Variants in TMEM120B observed in about 807,000 individuals in gnomAD.
TMEM120B encodes the protein transmembrane protein 120B.
A neutral mutation model predicts 55.5 loss-of-function variants in TMEM120B; 31 were observed. That is an observed-to-expected ratio of 0.56 (90% CI 0.42 to 0.75). The LOEUF is 0.75. Among genes scored for constraint, TMEM120B ranks in the 30% least tolerant of loss-of-function variants. The pLI is 0.00. For synonymous variants in TMEM120B, 203 were observed against 176.3 expected, an observed-to-expected ratio of 1.15 and a Z score of -1.20; for missense variants, 399 against 425.5, an observed-to-expected ratio of 0.94 and a Z score of 0.55.
At chr12:121,714,557 C>CT (rs897759057) in intron 1 of TMEM120B, among the ~76,000 whole-genome samples, 2,232 of 100,184 alleles carry the variant, frequency 0.022, 44 homozygotes, top group African/African-American at 0.035. Context: ...TCAGCCACTT[C>CT]TTTTTTTTTT....
rs938524486 is a variant in TMEM120B at position 121,748,442 on chromosome 12, G to T, written c.305G>T (p.Gly102Val). The T allele has an allele frequency of 2.5e-6, 4 of 1,602,788 alleles. No homozygotes were observed. In the African/African-American group the frequency reaches 5.4e-5, roughly 21 times the overall value. Residue 102 changes from glycine to valine, a missense_variant and splice_region_variant, in exon 3 of 12, where the codon GGG becomes GTG. Coordinates refer to ENST00000449592, the MANE Select transcript of TMEM120B (RefSeq NM_001080825.2). ...GAGGCCTACCTGCCCAAGAAGAACG[G>T]GTAGGAGCTGGCAACCTCCCCACCC... Reference protein sequence around the residue: ...DMEAYLPKKNGLYLNLVLGNV... With the variant: ...DMEAYLPKKNVLYLNLVLGNV...
intron 1 of TMEM120B, among the ~76,000 whole-genome samples, chr12:121,740,456 G>A (rs561543026): frequency 1.6e-4 from 24 of 151,928 alleles, no homozygotes; most frequent in Admixed American, 1.1e-3. Context: ...CTGCACTCCA[G>A]CCTGGGCAAC....
chr12:121,731,195 T>A (rs934845035), intron 1 of TMEM120B, among the ~76,000 whole-genome samples: 6 of 152,176 alleles, frequency 3.9e-5, no homozygotes, highest in Non-Finnish European at 7.3e-5. Flanking sequence ...AGTGGTCCTA[T>A]GAGATTATGA....
At chr12:121,746,190 CTT>C (rs71079090) in intron 2 of TMEM120B, among the ~76,000 whole-genome samples, 46 of 121,550 alleles carry the variant, frequency 3.8e-4, no homozygotes, top group African/African-American at 1.2e-3. Flanking sequence ...CGCCCCCCCA[CTT>C]TTTTTTTTTT....
At position 121,775,441 on chromosome 12, in the gene TMEM120B, G is replaced by A. The variant is rs1874207373; in HGVS notation, c.907-168G>A. 1 of 985,006 alleles carries A rather than the reference G, an allele frequency of 1.0e-6. No homozygotes were observed. Among genetic ancestry groups the A allele is most frequent in the East Asian group, 1.1e-4 (1 of 8,768 alleles). The allele number at this position is 985,006 out of a possible 1,614,324, so 61.0% of individuals were successfully genotyped here. On this transcript the variant is annotated intron_variant, in intron 11 of 11. Transcript: ENST00000449592. The surrounding 1 kb of genome is among the most constrained non-coding windows in gnomAD (Gnocchi z 4.3). ...CGAGCCCTTCCCAGGCCCTGCCCAA[G>A]CCTGAGGCCTCACCCTTCCCCCAGG...
At chr12:121,734,012 A>G (rs193192381) in intron 1 of TMEM120B, among the ~76,000 whole-genome samples, 2 of 152,166 alleles carry the variant, frequency 1.3e-5, no homozygotes, top group South Asian at 4.1e-4. Context: ...AAATGCCTGG[A>G]ATTAAGTAGT....
In TMEM120B at chr12:121,775,813, C is replaced by A; in HGVS notation, c.*91C>A. The A allele has an allele frequency of 7.2e-7, 1 of 1,387,710 alleles. No homozygotes were observed. 86.0% of individuals were successfully genotyped at this position (1,387,710 alleles called of 1,614,324 possible). On this transcript the variant is annotated 3_prime_UTR_variant, in exon 12 of 12. Coordinates refer to ENST00000449592, the MANE Select transcript of TMEM120B (RefSeq NM_001080825.2). This position sits in a 1 kb window ranked among gnomAD's most constrained non-coding sequence, Gnocchi z 4.3. The stretch of plus-strand genomic sequence containing the variant: ...CAGCCCTCTCAGGCCCGTGGCATCG[C>A]TGGGAGAGGGCCCAGGCCCTGGTCC...
chr12:121,742,152 G>A (rs760435296), intron 1 of TMEM120B, among the ~76,000 whole-genome samples: 1 of 151,966 alleles, frequency 6.6e-6, no homozygotes, highest in Non-Finnish European at 1.5e-5. Flanking sequence ...ACAGGCATAC[G>A]CCACCATGCC....
chr12:121,731,776 GATAA>G (rs1895007970), intron 1 of TMEM120B, among the ~76,000 whole-genome samples: 1 of 152,100 alleles, frequency 6.6e-6, no homozygotes, highest in South Asian at 2.1e-4. Flanking sequence ...TGATTAAGAG[GATAA>G]ATATTTTGTG....
Position 121,775,812 on chromosome 12 carries a change from G to A in TMEM120B, c.*90G>A, listed in dbSNP as rs759449372. ...GCAGCCCTCTCAGGCCCGTGGCATC[G>A]CTGGGAGAGGGCCCAGGCCCTGGTC... On this transcript the variant is annotated 3_prime_UTR_variant, in exon 12 of 12. Transcript: ENST00000449592. The surrounding 1 kb of genome is among the most constrained non-coding windows in gnomAD (Gnocchi z 4.3). 80 of 1,385,224 alleles carry A rather than the reference G, an allele frequency of 5.8e-5. No individual in the cohort carries two copies. Among genetic ancestry groups the A allele is most frequent in the South Asian group, 4.9e-4 (41 of 84,368 alleles). The allele number at this position is 1,385,224 out of a possible 1,614,324, so 85.8% of individuals were successfully genotyped here.
intron 1 of TMEM120B, among the ~76,000 whole-genome samples, chr12:121,733,429 AAAG>A (rs572760337): frequency 6.6e-6 from 1 of 151,432 alleles, no homozygotes; most frequent in South Asian, 2.1e-4. Flanking sequence ...TATTTTTAGT[AAAG>A]AAGGGGTTTC....
In TMEM120B at chr12:121,775,053, C is replaced by G; in HGVS notation, c.838-9C>G. 6.2e-7 allele frequency: 1 copy of G among 1,613,284 alleles called. No individual in the cohort carries two copies. On this transcript the variant is annotated splice_polypyrimidine_tract_variant and intron_variant, in intron 10 of 11. Coordinates refer to ENST00000449592, the MANE Select transcript of TMEM120B (RefSeq NM_001080825.2). This position sits in a 1 kb window ranked among gnomAD's most constrained non-coding sequence, Gnocchi z 4.3. ...CTGGTGGGTGAGCAGCGCCTGCCTT[C>G]CTCTCCAGTTCTGGCAGCTCTACAA...
intron 1 of TMEM120B, among the ~76,000 whole-genome samples, chr12:121,716,789 C>G (rs942126330): frequency 2.0e-5 from 3 of 152,096 alleles, no homozygotes; most frequent in Non-Finnish European, 4.4e-5. Flanking sequence ...TCTAGAACTC[C>G]TGACCTCGTG....
At chr12:121,724,671 C>T (rs1050448880) in intron 1 of TMEM120B, among the ~76,000 whole-genome samples, 6 of 150,978 alleles carry the variant, frequency 4.0e-5, no homozygotes, top group African/African-American at 9.8e-5. Flanking sequence ...AATGCAGTCG[C>T]GCAATCTCGA....
chr12:121,769,553 A>AT (rs1566525175), intron 6 of TMEM120B, among the ~76,000 whole-genome samples: 1 of 151,150 alleles, frequency 6.6e-6, no homozygotes, highest in African/African-American at 2.4e-5. Flanking sequence ...AAAAAAAAAA[A>AT]TTTAGCTGGG....
Position 121,775,819 on chromosome 12 carries a change from G to T in TMEM120B, c.*97G>T. The T allele has an allele frequency of 7.6e-7, 1 of 1,322,326 alleles. No individual in the cohort carries two copies. The highest frequency in any genetic ancestry group is 1.1e-6 in the Non-Finnish European group (1 of 938,940). 81.9% of individuals were successfully genotyped at this position (1,322,326 alleles called of 1,614,324 possible). A position where few individuals can be genotyped will look rare whatever the true frequency, so the allele number is the denominator to read the frequency against. Reference sequence around the variant, plus strand: ...TCTCAGGCCCGTGGCATCGCTGGGAGAGGGCCCAGGCCCTGGTCCCCCAGT... The same window carrying T: ...TCTCAGGCCCGTGGCATCGCTGGGATAGGGCCCAGGCCCTGGTCCCCCAGT... On this transcript the variant is annotated 3_prime_UTR_variant, in exon 12 of 12. Transcript: ENST00000449592. This position sits in a 1 kb window ranked among gnomAD's most constrained non-coding sequence, Gnocchi z 4.3.
Position 121,780,561 on chromosome 12 carries a change from A to C in TMEM120B, c.*4839A>C. 1 of 508,202 alleles carries C rather than the reference A, an allele frequency of 2.0e-6. No homozygotes were observed. Among genetic ancestry groups the C allele is most frequent in the Non-Finnish European group, 3.5e-6 (1 of 288,818 alleles). 31.5% of individuals were successfully genotyped at this position (508,202 alleles called of 1,614,324 possible). A position where few individuals can be genotyped will look rare whatever the true frequency, so the allele number is the denominator to read the frequency against. On this transcript the variant is annotated 3_prime_UTR_variant, in exon 12 of 12. Transcript: ENST00000449592. ...CAGACTTTGGATTGCAGTGGATGGG[A>C]CCAGATCCTGGCTCCACTTCTCGCT... is the stretch of plus-strand genomic sequence containing the variant.
intron 6 of TMEM120B, among the ~76,000 whole-genome samples, chr12:121,766,547 A>G (rs1005870320): frequency 6.6e-6 from 1 of 152,122 alleles, no homozygotes; most frequent in Non-Finnish European, 1.5e-5. Context: ...CCCCAGTTGG[A>G]ATCTTGACAC....
chr12:121,741,236 C>T (rs1164137508), intron 1 of TMEM120B, among the ~76,000 whole-genome samples: 1 of 152,158 alleles, frequency 6.6e-6, no homozygotes, highest in Admixed American at 6.6e-5. Context: ...AAAGCAAATA[C>T]AGCATGATGG....
Sources: allele counts gnomAD v4.1 joint callset (sites outside exome capture counted in the v4.1 genomes callset), GRCh38; gene constraint gnomAD v4.1.1; non-coding constraint Gnocchi (gnomAD v3.1); transcripts MANE v1.5; gene names NCBI Gene and HGNC (gene_info 2026-07-23, HGNC 2026-07-21).